Variants in CHD3 observed in about 807,000 individuals in gnomAD.
CHD3 encodes chromodomain helicase DNA binding protein 3.
A neutral mutation model predicts 248.9 loss-of-function variants in CHD3; 52 were observed. That is an observed-to-expected ratio of 0.21 (90% CI 0.17 to 0.26). The LOEUF is 0.26. Ranked by LOEUF, CHD3 falls within the 10% of genes least tolerant of loss-of-function variation. The probability of loss-of-function intolerance (pLI) is 1.00; values close to 1 mark genes in which losing one functional copy is unlikely to be tolerated. For missense variants in CHD3, 1,482 were observed against 2,605.8 expected (o/e 0.57, Z 9.39); for synonymous variants, 985 against 985.2 (o/e 1.00, Z 0.00).
chr17:7,902,601 T>C lies in CHD3; in HGVS notation c.3253-9T>C. 1 of 1,589,806 alleles carries C rather than the reference T, an allele frequency of 6.3e-7. No homozygotes were observed. Among genetic ancestry groups the C allele is most frequent in the East Asian group, 2.2e-5 (1 of 44,672 alleles). ...TTATTGCAGACTCCATCCTTTTCTC[T>C]TGCTCTAGATGACCAAAATGTTAGA... On this transcript the variant is annotated splice_polypyrimidine_tract_variant and intron_variant, in intron 20 of 39. Coordinates refer to ENST00000330494, the MANE Select transcript of CHD3 (RefSeq NM_001005273.3).
At chr17:7,885,914 C>T (rs1281625212), upstream of CHD3, among the ~76,000 whole-genome samples, 1 of 152,222 alleles carries the variant, frequency 6.6e-6, no homozygotes, top group Non-Finnish European at 1.5e-5. Context: ...GCAGTCCATT[C>T]GGATTGGGGA....
chr17:7,893,754 G>A (rs1381795639), intron 5 of CHD3, 51 bp from the exon 6 acceptor site: 2 of 1,594,426 alleles, frequency 1.3e-6, no homozygotes, highest in Admixed American at 3.6e-5. Context: ...CATAATTCCA[G>A]GATGTCATGA....
Position 7,897,039 on chromosome 17 carries a change from G to A in CHD3, c.1708-44G>A, listed in dbSNP as rs193011709. On this transcript the variant is annotated intron_variant, in intron 10 of 39. Coordinates refer to ENST00000330494, the MANE Select transcript of CHD3 (RefSeq NM_001005273.3). The surrounding 1 kb of genome is among the most constrained non-coding windows in gnomAD (Gnocchi z 4.8). ...TTCCCGGTTCCTTGTTGTCCTCTGT[G>A]AGTGTCAGGACTATCTCTTTCCCTT... The A allele has an allele frequency of 4.5e-5, 68 of 1,525,632 alleles. No individual in the cohort carries two copies. Among genetic ancestry groups the A allele is most frequent in the African/African-American group, 9.6e-5 (7 of 73,220 alleles). 94.5% of individuals were successfully genotyped at this position (1,525,632 alleles called of 1,614,324 possible).
rs780265671 is a variant in CHD3, at chr17:7,906,204, C to T, written c.4358+215C>T. ...AGAGTAGAGGGGCCAGGCATCCTCCCCAGGGGAGGGGCGTTGAAGCAAGGA... is the reference window on the plus strand; with the variant it reads ...AGAGTAGAGGGGCCAGGCATCCTCCTCAGGGGAGGGGCGTTGAAGCAAGGA... On this transcript the variant is annotated intron_variant, in intron 28 of 39. Transcript: ENST00000330494. The surrounding 1 kb of genome is among the most constrained non-coding windows in gnomAD (Gnocchi z 5.0). 2.4e-6 allele frequency: 2 copies of T among 817,914 alleles called. No individual in the cohort carries two copies. Among genetic ancestry groups the T allele is most frequent in the East Asian group, 2.4e-5 (1 of 40,904 alleles). 50.7% of individuals were successfully genotyped at this position (817,914 alleles called of 1,614,324 possible).
In CHD3 at chr17:7,903,705, G is replaced by A; in HGVS notation, c.3728-120G>A. On this transcript the variant is annotated intron_variant, in intron 23 of 39. Transcript: ENST00000330494. The surrounding 1 kb of genome is among the most constrained non-coding windows in gnomAD (Gnocchi z 6.8). ...AACAAAACAAAAACCTTTCAACATT[G>A]GCTCCCGGGGAAAAAGCCTTCTCTA... The A allele has an allele frequency of 8.5e-7, 1 of 1,182,880 alleles. No homozygotes were observed. The highest frequency in any genetic ancestry group is 1.2e-6 in the Non-Finnish European group (1 of 846,648). The allele number at this position is 1,182,880 out of a possible 1,614,324, so 73.3% of individuals were successfully genotyped here. A position where few individuals can be genotyped will look rare whatever the true frequency, so the allele number is the denominator to read the frequency against.
Position 7,904,654 on chromosome 17 carries a change from G to T in CHD3, c.4072+35G>T, listed in dbSNP as rs757406846. The T allele has an allele frequency of 6.3e-7, 1 of 1,588,642 alleles. No individual in the cohort carries two copies. The highest frequency in any genetic ancestry group is 2.2e-5 in the East Asian group (1 of 44,484). On this transcript the variant is annotated intron_variant, in intron 25 of 39. Transcript: ENST00000330494. This position sits in a 1 kb window ranked among gnomAD's most constrained non-coding sequence, Gnocchi z 4.4. Reference sequence around the variant, plus strand: ...GCCCCAGATGCAGGCAGTAAAGGGGGGAAGTGATGATGAGTAGGGACTTGA... The same window carrying T: ...GCCCCAGATGCAGGCAGTAAAGGGGTGAAGTGATGATGAGTAGGGACTTGA...
Position 7,903,534 on chromosome 17 carries a change from C to A in CHD3, c.3727+31C>A. 1 of 1,551,608 alleles carries A rather than the reference C, an allele frequency of 6.4e-7. No individual in the cohort carries two copies. The highest frequency in any genetic ancestry group is 8.8e-7 in the Non-Finnish European group (1 of 1,132,788). Reference sequence around the variant, plus strand: ...AACCTTTTCTGCAGCTCTGTGAAAGCAGGCCCCTGCTCTCTCAGGAGTACT... The same window carrying A: ...AACCTTTTCTGCAGCTCTGTGAAAGAAGGCCCCTGCTCTCTCAGGAGTACT... On this transcript the variant is annotated intron_variant, in intron 23 of 39. Transcript: ENST00000330494. The surrounding 1 kb of genome is among the most constrained non-coding windows in gnomAD (Gnocchi z 6.8).
rs927276643 is a variant in CHD3, at chr17:7,902,992, C to T, written c.3426C>T (p.Gly1142=). Residue 1142 remains glycine, a synonymous_variant, in exon 22 of 40, where the codon GGC becomes GGT. Transcript: ENST00000330494. ...FLLSTRAGGL[G]INLATADTVI... The stretch of plus-strand genomic sequence containing the variant: ...TGTCCACCCGAGCTGGGGGCCTGGG[C>T]ATCAATCTGGCCACTGCTGACACTG... The T allele has an allele frequency of 1.2e-5, 20 of 1,613,976 alleles. 1 individual carries two copies. In the East Asian group the frequency reaches 4.5e-4, roughly 36 times the overall value.
At position 7,910,589 on chromosome 17, in the gene CHD3, C is replaced by T; in HGVS notation, c.5752C>T (p.Pro1918Ser). The change falls in exon 38 of 40, where the codon CCG becomes TCG. Residue 1918 changes from proline (P) to serine (S), a missense_variant and splice_region_variant. By Grantham distance (74) the Pro-to-Ser change is moderately conservative. Around this residue, in one of 20 missense-constraint regions of CHD3, gnomAD observed 117 missense variants for 137.2 expected, o/e 0.85. Transcript: ENST00000330494. The surrounding 1 kb of genome is among the most constrained non-coding windows in gnomAD (Gnocchi z 4.7). ...CAAGGGCACGGAGCCTCACCCCACACCGGTAACCCTCTTTCCCCCTAGCTC... is the reference window on the plus strand; with the variant it reads ...CAAGGGCACGGAGCCTCACCCCACATCGGTAACCCTCTTTCCCCCTAGCTC... ...ASKGTEPHPT[P>S]AYPPGPYATP... 6.2e-7 allele frequency: 1 copy of T among 1,607,044 alleles called. No individual in the cohort carries two copies. The highest frequency in any genetic ancestry group is 8.5e-7 in the Non-Finnish European group (1 of 1,177,890).
Position 7,907,402 on chromosome 17 carries a change from G to A in CHD3, c.4838G>A (p.Arg1613Lys), listed in dbSNP as rs761248064. ...APSLGERLEP[R>K]KIPLEDEVPG... is the part of the protein sequence containing the mutation. ...TCACTTGGGGAGCGGCTGGAGCCAA[G>A]GAAGATTCCTCTAGAGGATGAGGTG... The change falls in exon 32 of 40, where the codon AGG (arginine) becomes AAG (lysine). Residue 1613 changes from arginine to lysine, a missense_variant. This residue lies in a region of CHD3 where 254 missense variants were observed against 266.7 expected (regional missense o/e 0.95). Transcript: ENST00000330494. This position sits in a 1 kb window ranked among gnomAD's most constrained non-coding sequence, Gnocchi z 4.3. 2 of 1,610,850 alleles carry A rather than the reference G, an allele frequency of 1.2e-6. No individual in the cohort carries two copies. The highest frequency in any genetic ancestry group is 1.1e-5 in the South Asian group (1 of 90,462).
chr17:7,892,609 G>C lies in CHD3; in HGVS notation c.510-677G>C, dbSNP rs558397252. Reference sequence around the variant, plus strand: ...CCTCCCAGGTTCAAGCAATTTTTCTGCCTCAGCCTCCCGAGTAGCTGAGAC... The same window carrying C: ...CCTCCCAGGTTCAAGCAATTTTTCTCCCTCAGCCTCCCGAGTAGCTGAGAC... On this transcript the variant is annotated intron_variant, in intron 4 of 39. Coordinates refer to ENST00000330494, the MANE Select transcript of CHD3 (RefSeq NM_001005273.3). 7.0e-4 allele frequency among the ~76,000 whole-genome samples: 102 copies of C among 145,274 alleles called. 1 individual carries two copies. The highest frequency in any genetic ancestry group is 2.5e-3 in the African/African-American group (99 of 39,250).
Position 7,905,241 on chromosome 17 carries a change from A to G in CHD3, c.4138+76A>G. 7.2e-7 allele frequency: 1 copy of G among 1,389,454 alleles called. No individual in the cohort carries two copies. The allele number at this position is 1,389,454 out of a possible 1,614,324, so 86.1% of individuals were successfully genotyped here. On this transcript the variant is annotated intron_variant, in intron 26 of 39. Transcript: ENST00000330494. This position sits in a 1 kb window ranked among gnomAD's most constrained non-coding sequence, Gnocchi z 5.8. ...AGTTTGCTTTAAGCCCACTGTTTTT[A>G]TACAAGTAAAAAAGTCTTCGTGTGT...
At chr17:7,887,158 A>G (rs1239731212), upstream of CHD3, among the ~76,000 whole-genome samples, 1 of 151,994 alleles carries the variant, frequency 6.6e-6, no homozygotes, top group Non-Finnish European at 1.5e-5. Flanking sequence ...ACCCTCCTCT[A>G]AGGAAATTTG....
At position 7,899,628 on chromosome 17, in the gene CHD3, C is replaced by T; in HGVS notation, c.2544+85C>T. 2.9e-6 allele frequency: 4 copies of T among 1,373,186 alleles called. No homozygotes were observed. The highest frequency in any genetic ancestry group is 2.5e-5 in the South Asian group (2 of 78,872). 85.1% of individuals were successfully genotyped at this position (1,373,186 alleles called of 1,614,324 possible). On this transcript the variant is annotated intron_variant, in intron 15 of 39. Transcript: ENST00000330494. This position sits in a 1 kb window ranked among gnomAD's most constrained non-coding sequence, Gnocchi z 6.8. ...CCAGGAATTCAGTTTCTCTATTCCC[C>T]TCCTCACCTTTCTCCTCTTCCTCCA...
chr17:7,905,787 A>G lies in CHD3; in HGVS notation c.4225-69A>G. 1 of 1,613,798 alleles carries G rather than the reference A, an allele frequency of 6.2e-7. No individual in the cohort carries two copies. The highest frequency in any genetic ancestry group is 8.5e-7 in the Non-Finnish European group (1 of 1,179,764). On this transcript the variant is annotated intron_variant, in intron 27 of 39. Coordinates refer to ENST00000330494, the MANE Select transcript of CHD3 (RefSeq NM_001005273.3). This position sits in a 1 kb window ranked among gnomAD's most constrained non-coding sequence, Gnocchi z 5.8. ...TTGGAAGTTGGTGCCTGGATCACTGAAGGTAGAAAGGACAAGACCTAAGAA... is the reference window on the plus strand; with the variant it reads ...TTGGAAGTTGGTGCCTGGATCACTGGAGGTAGAAAGGACAAGACCTAAGAA...
Position 7,907,436 on chromosome 17 carries a change from G to T in CHD3, c.4872G>T (p.Val1624=), listed in dbSNP as rs144413508. 2,220 of 1,611,264 alleles carry T rather than the reference G, an allele frequency of 1.4e-3. 4 individuals carry two copies. The highest frequency in any genetic ancestry group is 1.5e-3 in the Non-Finnish European group (1,755 of 1,178,656). Residue 1624 remains valine (V), a synonymous_variant, in exon 32 of 40, where the codon GTG becomes GTT. Coordinates refer to ENST00000330494, the MANE Select transcript of CHD3 (RefSeq NM_001005273.3). This position sits in a 1 kb window ranked among gnomAD's most constrained non-coding sequence, Gnocchi z 4.3. ...CTCTAGAGGATGAGGTGCCAGGGGT[G>T]CCTGGAGAGATGGAGCCTGAACCTG... The part of the protein sequence containing the change: ...KIPLEDEVPG[V]PGEMEPEPGY...
chr17:7,896,160 G>A (rs1050680706), intron 10 of CHD3, among the ~76,000 whole-genome samples: 9 of 150,178 alleles, frequency 6.0e-5, no homozygotes, highest in Non-Finnish European at 8.9e-5. Context: ...CCCGGGAGGC[G>A]GAGCTTGCAG....
chr17:7,897,904 C>A lies in CHD3; in HGVS notation c.1920-67C>A. The A allele has an allele frequency of 6.6e-7, 1 of 1,524,188 alleles. No homozygotes were observed. Among genetic ancestry groups the A allele is most frequent in the Non-Finnish European group, 8.8e-7 (1 of 1,132,314 alleles). The allele number at this position is 1,524,188 out of a possible 1,614,324, so 94.4% of individuals were successfully genotyped here. A position where few individuals can be genotyped will look rare whatever the true frequency, so the allele number is the denominator to read the frequency against. On this transcript the variant is annotated intron_variant, in intron 11 of 39. Transcript: ENST00000330494. This position sits in a 1 kb window ranked among gnomAD's most constrained non-coding sequence, Gnocchi z 4.8. The stretch of plus-strand genomic sequence containing the variant: ...TTGCTGATAATTGCGTTTCTCAGGC[C>A]TTCTTTCTGTTTGTGATCTGTGCAA...
Position 7,907,828 on chromosome 17 carries a change from T to C in CHD3, c.5027-66T>C. On this transcript the variant is annotated intron_variant, in intron 33 of 39. Transcript: ENST00000330494. The surrounding 1 kb of genome is among the most constrained non-coding windows in gnomAD (Gnocchi z 4.3). ...AAAGGCCAGTACAGTACAGTACAGA[T>C]AGTAGTCTTGGGACCTGGGAGGAGG... 5.1e-6 allele frequency: 8 copies of C among 1,569,708 alleles called. No individual in the cohort carries two copies. Among genetic ancestry groups the C allele is most frequent in the Non-Finnish European group, 6.9e-6 (8 of 1,154,926 alleles).
Sources: allele counts gnomAD v4.1 joint callset (sites outside exome capture counted in the v4.1 genomes callset), GRCh38; gene constraint gnomAD v4.1.1; regional missense constraint gnomAD v4.1.1; non-coding constraint Gnocchi (gnomAD v3.1); transcripts MANE v1.5; gene names NCBI Gene and HGNC (gene_info 2026-07-23, HGNC 2026-07-21).